GAS7: variants seen among roughly 807,000 people sequenced by gnomAD.
GAS7 encodes the protein growth arrest-specific protein 7.
GAS7 carries 28 observed loss-of-function variants against 71.1 expected under a neutral mutation model. The ratio of observed to expected loss-of-function variants is 0.39; its 90% CI spans 0.29 to 0.54. The LOEUF (loss-of-function observed/expected upper bound fraction) is 0.54. GAS7 is among the 20% of genes least tolerant of loss of function. The pLI, the probability that GAS7 is intolerant of heterozygous loss-of-function variation, is 0.62. For synonymous variants in GAS7, 258 were observed against 245.8 expected (o/e 1.05, Z -0.46); for missense variants, 436 against 627.8 (o/e 0.69, Z 3.27).
At chr17:10,116,069 G>A (rs1464334972) in intron 1 of GAS7, among the ~76,000 whole-genome samples, 1 of 152,208 alleles carries the variant, frequency 6.6e-6, no homozygotes, top group Non-Finnish European at 1.5e-5. Flanking sequence ...CCAGCACTTT[G>A]GGAAGACAAG....
At chr17:10,076,525 G>A (rs1243253891) in intron 1 of GAS7, among the ~76,000 whole-genome samples, 2 of 151,860 alleles carry the variant, frequency 1.3e-5, no homozygotes, top group Non-Finnish European at 2.9e-5. Context: ...AGGAAGAAAC[G>A]GCTGACATAT....
chr17:10,028,459 A>G (rs1454094563), intron 1 of GAS7, among the ~76,000 whole-genome samples: 4 of 152,204 alleles, frequency 2.6e-5, no homozygotes, highest in Admixed American at 2.6e-4. Flanking sequence ...GAGGCAAGAT[A>G]ATATGTATTG....
chr17:10,174,612 A>G (rs2074359150), intron 1 of GAS7, among the ~76,000 whole-genome samples: 1 of 152,078 alleles, frequency 6.6e-6, no homozygotes, highest in Non-Finnish European at 1.5e-5. Flanking sequence ...GAATGGCGTG[A>G]ACCCAGGAGG....
At chr17:10,191,327 T>C (rs1848934000) in intron 1 of GAS7, among the ~76,000 whole-genome samples, 1 of 151,852 alleles carries the variant, frequency 6.6e-6, no homozygotes, top group African/African-American at 2.4e-5. Flanking sequence ...CTCAGCACTT[T>C]GGGAGGCCAA....
intron 1 of GAS7, among the ~76,000 whole-genome samples, chr17:10,154,653 C>T (rs1039059658): frequency 6.6e-6 from 1 of 152,078 alleles, no homozygotes; most frequent in South Asian, 2.1e-4. Context: ...GCCCAACCGC[C>T]CATCTCTATT....
At chr17:10,042,456 G>A (rs953449266) in intron 1 of GAS7, among the ~76,000 whole-genome samples, 11 of 152,004 alleles carry the variant, frequency 7.2e-5, no homozygotes, top group Admixed American at 2.0e-4. Context: ...TCCTCCATAC[G>A]TGGCCCCCTG....
At chr17:10,040,668 A>G (rs2072846241) in intron 1 of GAS7, among the ~76,000 whole-genome samples, 2 of 151,616 alleles carry the variant, frequency 1.3e-5, no homozygotes, top group Non-Finnish European at 2.9e-5. Context: ...CAAACCAGCC[A>G]TGAAGAGGAG....
chr17:9,991,629 C>T (rs901635284), intron 2 of GAS7, among the ~76,000 whole-genome samples: 1 of 152,032 alleles, frequency 6.6e-6, no homozygotes, highest in Admixed American at 6.6e-5. Flanking sequence ...TGGAGCTGTC[C>T]AAGCCTGTCT....
At chr17:10,042,937 G>A (rs912286234) in intron 1 of GAS7, among the ~76,000 whole-genome samples, 5 of 152,220 alleles carry the variant, frequency 3.3e-5, no homozygotes. Flanking sequence ...AGTTTAGGGG[G>A]ATGCAGTAGA....
intron 9 of GAS7, among the ~76,000 whole-genome samples, chr17:9,932,194 C>CATCTTTTTTTT (rs1567789287): frequency 8.6e-6 from 1 of 116,154 alleles, no homozygotes; most frequent in African/African-American, 3.2e-5. Flanking sequence ...GTCCCCCCCG[C>CATCTTTTTTTT]TTTTTTTTTT....
At position 9,913,700 on chromosome 17, in the gene GAS7, GC is replaced by G. The variant is rs2067501936; in HGVS notation, c.*3527del. The G allele has an allele frequency of 4.3e-6, 1 of 231,620 alleles. No homozygotes were observed. Among genetic ancestry groups the G allele is most frequent in the Non-Finnish European group, 8.5e-6 (1 of 117,120 alleles). The allele number at this position is 231,620 out of a possible 1,614,324, so 14.3% of individuals were successfully genotyped here. ...GTGGTCCCACTGACAGAATCTCAGG[GC>G]CGCCATCCCCACGGTCCAAGGGGCC... On this transcript the variant is annotated 3_prime_UTR_variant, in exon 14 of 14. Transcript: ENST00000432992.
chr17:9,979,654 A>G (rs1431931226), intron 3 of GAS7, among the ~76,000 whole-genome samples: 1 of 152,158 alleles, frequency 6.6e-6, no homozygotes, highest in Non-Finnish European at 1.5e-5. Context: ...AGTCTCGACC[A>G]GCCTCACCAA....
chr17:9,917,057 TG>T lies in GAS7; in HGVS notation c.*170del. 1.6e-6 allele frequency: 1 copy of T among 606,776 alleles called. No individual in the cohort carries two copies. 37.6% of individuals were successfully genotyped at this position (606,776 alleles called of 1,614,324 possible). ...GGTCTGTCTTCTGGGCCTGGGAATA[TG>T]GGGGAGCCCCCAGCTAGGCTGTCCG... On this transcript the variant is annotated 3_prime_UTR_variant, in exon 14 of 14. Coordinates refer to ENST00000432992, the MANE Select transcript of GAS7 (RefSeq NM_201433.2).
rs1324315081 is a variant in GAS7 at position 10,046,781 on chromosome 17, AAAGAAAGGAAGGAAGG to A, written c.184-26900_184-26885del. 1.7e-3 allele frequency among the ~76,000 whole-genome samples: 181 copies of A among 104,558 alleles called. 9 individuals carry two copies. The East Asian group carries it at 0.025, about 14-fold the overall frequency. 68.6% of individuals were successfully genotyped at this position (104,558 alleles called of 152,430 possible). A position where few individuals can be genotyped will look rare whatever the true frequency, so the allele number is the denominator to read the frequency against. On this transcript the variant is annotated intron_variant, in intron 1 of 13. Transcript: ENST00000432992. ...AAAGAAAGAAAGAAGAGAAAGAAAGAAAGAAAGGAAGGAAGGAAGGAAGGAAGGAAGGAAGGAAGGA... is the reference window on the plus strand; with the variant it reads ...AAAGAAAGAAAGAAGAGAAAGAAAGAAAGGAAGGAAGGAAGGAAGGAAGGA...
intron 1 of GAS7, among the ~76,000 whole-genome samples, chr17:10,154,251 C>T (rs563721394): frequency 3.3e-5 from 5 of 152,204 alleles, no homozygotes; most frequent in African/African-American, 1.2e-4. Flanking sequence ...GTAATCCAGA[C>T]AGTTTGGGAG....
Position 9,919,969 on chromosome 17 carries a change from T to TTGTGTGTGTGTGTGTGTGTGTGTGTG in GAS7, c.1139-290_1139-265dup, listed in dbSNP as rs34994635. ...AGGATTCAGGATGGTGGTTCTCATT[T>TTGTGTGTGTGTGTGTGTGTGTGTGTG]TGTGTGTGTGTGTGTGTGTGTGTGT... On this transcript the variant is annotated intron_variant, in intron 11 of 13. Coordinates refer to ENST00000432992, the MANE Select transcript of GAS7 (RefSeq NM_201433.2). The surrounding 1 kb of genome is among the most constrained non-coding windows in gnomAD (Gnocchi z 5.0). Among the ~76,000 whole-genome samples, 2 of 131,398 alleles carry TTGTGTGTGTGTGTGTGTGTGTGTGTG rather than the reference T, an allele frequency of 1.5e-5. No homozygotes were observed. The highest frequency in any genetic ancestry group is 2.9e-5 in the African/African-American group (1 of 34,244). The allele number at this position is 131,398 out of a possible 152,430, so 86.2% of individuals were successfully genotyped here.
chr17:10,014,955 A>C (rs945668867), intron 2 of GAS7, among the ~76,000 whole-genome samples: 10 of 152,186 alleles, frequency 6.6e-5, no homozygotes, highest in Middle Eastern at 3.4e-3. Flanking sequence ...GGAAATCAAG[A>C]CCATGCTGGC....
At chr17:9,937,635 C>A (rs2068448965) in intron 8 of GAS7, among the ~76,000 whole-genome samples, 1 of 152,242 alleles carries the variant, frequency 6.6e-6, no homozygotes, top group Non-Finnish European at 1.5e-5. Flanking sequence ...GGCTGCACAG[C>A]CAACCCATGT....
intron 1 of GAS7, among the ~76,000 whole-genome samples, chr17:10,141,450 A>G (rs1479560649): frequency 2.0e-5 from 3 of 152,130 alleles, no homozygotes; most frequent in African/African-American, 7.2e-5. Flanking sequence ...TGCCAAAAAA[A>G]AAAAGGCCAC....
Sources: gnomAD v4.1 joint callset for allele counts (sites outside exome capture counted in the v4.1 genomes callset) on GRCh38, gnomAD v4.1.1 for gene constraint, Gnocchi (gnomAD v3.1) non-coding constraint, MANE v1.5 for transcripts, NCBI Gene and HGNC (gene_info 2026-07-23, HGNC 2026-07-21) for gene names.